Variants in PRDM16 observed in about 807,000 individuals in gnomAD.
PRDM16 encodes the protein histone-lysine N-methyltransferase PRDM16.
Under a neutral mutation model 110.6 loss-of-function variants are expected in PRDM16, and 23 were observed. That is an observed-to-expected ratio of 0.21 (90% confidence interval 0.15 to 0.29). PRDM16 has a LOEUF of 0.29. Among genes scored for constraint, PRDM16 ranks in the 10% least tolerant of loss-of-function variants. The pLI, the probability that PRDM16 is intolerant of heterozygous loss-of-function variation, is 1.00. For synonymous variants in PRDM16, 799 were observed against 781.8 expected, an observed-to-expected ratio of 1.02 and a Z score of -0.37; for missense variants, 1,615 against 1,794.3, an observed-to-expected ratio of 0.90 and a Z score of 1.81.
intron 2 of PRDM16, among the ~76,000 whole-genome samples, chr1:3,216,015 G>A (rs777892712): frequency 1.3e-5 from 2 of 152,088 alleles, no homozygotes; most frequent in Non-Finnish European, 2.9e-5. Context: ...ATAAATACTC[G>A]GCAATGATAA....
rs564688090 is a variant in PRDM16 at position 3,365,410 on chromosome 1, G to C, written c.439-19742G>C. 3.3e-5 allele frequency among the ~76,000 whole-genome samples: 5 copies of C among 152,316 alleles called. No homozygotes were observed. The East Asian group carries it at 9.6e-4, about 29-fold the overall frequency. ...TGTGGCTGGGTTTGGGAAGGAAGGA[G>C]AGGCAGTGAGGAGGGGACCTCCTGG... On this transcript the variant is annotated intron_variant, in intron 3 of 16. Coordinates refer to ENST00000270722, the MANE Select transcript of PRDM16 (RefSeq NM_022114.4).
intron 8 of PRDM16, among the ~76,000 whole-genome samples, chr1:3,409,317 G>A (rs190725427): frequency 3.6e-4 from 55 of 152,186 alleles, no homozygotes; most frequent in African/African-American, 1.3e-3. Context: ...AGGTGACCGA[G>A]GGGTATTTAC....
intron 1 of PRDM16, among the ~76,000 whole-genome samples, chr1:3,083,682 G>C (rs939255308): frequency 1.3e-5 from 2 of 152,024 alleles, no homozygotes; most frequent in Non-Finnish European, 2.9e-5. Flanking sequence ...TGTTAGTTTT[G>C]TTCCAGGGGG....
In PRDM16 at chr1:3,146,455, C is replaced by T. The variant is rs537436618; in HGVS notation, c.38-39670C>T. Among the ~76,000 whole-genome samples, 77 of 148,430 alleles carry T rather than the reference C, an allele frequency of 5.2e-4. 2 individuals carry two copies. Among genetic ancestry groups the T allele is most frequent in the Non-Finnish European group, 8.4e-4 (55 of 65,666 alleles). On this transcript the variant is annotated intron_variant, in intron 1 of 16. Coordinates refer to ENST00000270722, the MANE Select transcript of PRDM16 (RefSeq NM_022114.4). ...TGAGGGGTGTGTGTGCACATGTGTT[C>T]AGTGTGGGGTGTGCGCACATGTGTG...
intron 1 of PRDM16, among the ~76,000 whole-genome samples, chr1:3,147,156 A>G (rs1406774512): frequency 1.1e-5 from 1 of 95,180 alleles, no homozygotes; most frequent in East Asian, 3.7e-4. Flanking sequence ...GCTCGGTGTG[A>G]GGTGTGTGCA....
rs1226704099 is a variant in PRDM16 at position 3,262,014 on chromosome 1, G to A, written c.438+17877G>A. ...GAGCTGAATGGAAGCTTCCAGTACA[G>A]GTACTTTCAGAGGGAAGGACTGAAA... On this transcript the variant is annotated intron_variant, in intron 3 of 16. Coordinates refer to ENST00000270722, the MANE Select transcript of PRDM16 (RefSeq NM_022114.4). Among the ~76,000 whole-genome samples the A allele has an allele frequency of 2.0e-5, 3 of 152,238 alleles. No individual in the cohort carries two copies. In the East Asian group the frequency reaches 5.8e-4, roughly 29 times the overall value.
intron 3 of PRDM16, among the ~76,000 whole-genome samples, chr1:3,247,394 A>C (rs1639811684): frequency 6.6e-6 from 1 of 152,236 alleles, no homozygotes; most frequent in Non-Finnish European, 1.5e-5. Flanking sequence ...GACTCTACTC[A>C]GAATTTACAG....
At chr1:3,114,171 A>G (rs867677059) in intron 1 of PRDM16, among the ~76,000 whole-genome samples, 2,344 of 97,396 alleles carry the variant, frequency 0.024, 51 homozygotes, top group African/African-American at 0.071. Flanking sequence ...ACACGCACAC[A>G]CACGCACACA....
intron 8 of PRDM16, among the ~76,000 whole-genome samples, chr1:3,409,917 G>A (rs1643650363): frequency 1.3e-5 from 1 of 74,914 alleles, no homozygotes; most frequent in Non-Finnish European, 2.6e-5. Context: ...TGGGTGTGGT[G>A]TGTGTGTATG....
At chr1:3,284,887 G>A (rs1444021190) in intron 3 of PRDM16, among the ~76,000 whole-genome samples, 1 of 152,234 alleles carries the variant, frequency 6.6e-6, no homozygotes, top group Non-Finnish European at 1.5e-5. Context: ...AGCCGCCAGG[G>A]CAGCTTCCGA....
chr1:3,423,609 C>A (rs1453027879), intron 12 of PRDM16, among the ~76,000 whole-genome samples: 1 of 152,192 alleles, frequency 6.6e-6, no homozygotes, highest in Non-Finnish European at 1.5e-5. Context: ...TGCTCTGGAG[C>A]GGGCCACCGG....
rs866280184 is a variant in PRDM16, at chr1:3,382,009, C to T, written c.439-3143C>T. Among the ~76,000 whole-genome samples, 4 of 152,226 alleles carry T rather than the reference C, an allele frequency of 2.6e-5. No homozygotes were observed. Among genetic ancestry groups the T allele is most frequent in the Admixed American group, 6.5e-5 (1 of 15,288 alleles). On this transcript the variant is annotated intron_variant, in intron 3 of 16. Coordinates refer to ENST00000270722, the MANE Select transcript of PRDM16 (RefSeq NM_022114.4). The surrounding 1 kb of genome is among the most constrained non-coding windows in gnomAD (Gnocchi z 6.6). ...TCGTGGGTCTTGGCCAGCCCAGCCTCGCTCCCTTCCTGTGGCAGAGGAAGA... is the reference window on the plus strand; with the variant it reads ...TCGTGGGTCTTGGCCAGCCCAGCCTTGCTCCCTTCCTGTGGCAGAGGAAGA...
intron 1 of PRDM16, among the ~76,000 whole-genome samples, chr1:3,124,027 A>G (rs1005132192): frequency 1.3e-5 from 2 of 152,172 alleles, no homozygotes; most frequent in South Asian, 2.1e-4. Flanking sequence ...TTTGTGTGGA[A>G]TGACTTCTCT....
intron 3 of PRDM16, among the ~76,000 whole-genome samples, chr1:3,312,040 G>A (rs1349464872): frequency 2.6e-5 from 4 of 152,302 alleles, no homozygotes; most frequent in Non-Finnish European, 2.9e-5. Flanking sequence ...CCAGGAGTGC[G>A]GCTCATGGGC....
In PRDM16 at chr1:3,290,136, A is replaced by T. The variant is rs1640939401; in HGVS notation, c.438+45999A>T. On this transcript the variant is annotated intron_variant, in intron 3 of 16. Transcript: ENST00000270722. This position sits in a 1 kb window ranked among gnomAD's most constrained non-coding sequence, Gnocchi z 4.8. ...AGTGCATGTGTCATGCTGATGTGAC[A>T]AACCCGGGCGCTGTTCTCCTGGGTA... 6.6e-6 allele frequency among the ~76,000 whole-genome samples: 1 copy of T among 152,176 alleles called. No individual in the cohort carries two copies. The highest frequency in any genetic ancestry group is 2.4e-5 in the African/African-American group (1 of 41,442).
chr1:3,391,293 A>G (rs943933954), intron 4 of PRDM16, among the ~76,000 whole-genome samples: 1 of 152,130 alleles, frequency 6.6e-6, no homozygotes, highest in Admixed American at 6.5e-5. Context: ...AAAGACTCCA[A>G]AATACATGCA....
intron 3 of PRDM16, among the ~76,000 whole-genome samples, chr1:3,378,391 TGTGGATTCCAGAGGAC>T (rs986642391): frequency 6.6e-6 from 1 of 152,090 alleles, no homozygotes; most frequent in African/African-American, 2.4e-5. Flanking sequence ...AGGCCTGCTT[TGTGGATTCCAGAGGAC>T]GTGAAATCTT....
intron 3 of PRDM16, among the ~76,000 whole-genome samples, chr1:3,340,827 G>A (rs1410435730): frequency 6.6e-6 from 1 of 152,240 alleles, no homozygotes; most frequent in African/African-American, 2.4e-5. Context: ...AAGTCATGGG[G>A]TGGCTGAAGG....
At chr1:3,114,697 C>A (rs909898632) in intron 1 of PRDM16, among the ~76,000 whole-genome samples, 1 of 152,254 alleles carries the variant, frequency 6.6e-6, no homozygotes, top group African/African-American at 2.4e-5. Flanking sequence ...CGGGTGCACA[C>A]ACACACAGAG....
Sources: gnomAD v4.1 joint callset for allele counts (sites outside exome capture counted in the v4.1 genomes callset) on GRCh38, gnomAD v4.1.1 for gene constraint, Gnocchi (gnomAD v3.1) non-coding constraint, MANE v1.5 for transcripts, NCBI Gene and HGNC (gene_info 2026-07-23, HGNC 2026-07-21) for gene names.